MAP2: variants seen among roughly 807,000 people sequenced by gnomAD.
MAP2 encodes microtubule-associated protein 2.
MAP2 carries 14 observed loss-of-function variants against 137.6 expected under a neutral mutation model. The ratio of observed to expected loss-of-function variants is 0.10; its 90% CI spans 0.07 to 0.16. The LOEUF (loss-of-function observed/expected upper bound fraction) is 0.16, where lower values mean the gene tolerates loss of function less well. MAP2 is among the 10% of genes least tolerant of loss of function. The pLI, the probability that MAP2 is intolerant of heterozygous loss-of-function variation, is 1.00. For synonymous variants in MAP2, 786 were observed against 782.3 expected (o/e 1.00, Z -0.08); for missense variants, 2,088 against 2,191.5 (o/e 0.95, Z 0.94).
chr2:209,479,716 A>G (rs1170558248), intron 1 of MAP2, among the ~76,000 whole-genome samples: 1 of 152,168 alleles, frequency 6.6e-6, no homozygotes, highest in Non-Finnish European at 1.5e-5. Flanking sequence ...ATTTTGAACT[A>G]CATAAAACAA....
rs548322532 is a variant in MAP2 at position 209,439,251 on chromosome 2, A to C, written c.-222+14975A>C. ...ACATTGCTGCTCTGTTTTGTCATTT[A>C]TAAGATTATACATTTGATTACCTAA... On this transcript the variant is annotated intron_variant, in intron 1 of 15. Transcript: ENST00000682079. 1.1e-4 allele frequency among the ~76,000 whole-genome samples: 17 copies of C among 151,694 alleles called. No homozygotes were observed. The South Asian group carries it at 3.5e-3, about 31-fold the overall frequency.
At chr2:209,473,118 A>G (rs1169927651) in intron 1 of MAP2, among the ~76,000 whole-genome samples, 1 of 152,056 alleles carries the variant, frequency 6.6e-6, no homozygotes, top group African/African-American at 2.4e-5. Context: ...CACATCAACT[A>G]TTATTGCACT....
chr2:209,556,920 TCTC>T (rs1439180174), intron 2 of MAP2, among the ~76,000 whole-genome samples: 1 of 152,038 alleles, frequency 6.6e-6, no homozygotes, highest in Non-Finnish European at 1.5e-5. Flanking sequence ...TGCTTATCAT[TCTC>T]CTAATGGAAA....
At chr2:209,528,100 C>A (rs1177149043) in intron 2 of MAP2, among the ~76,000 whole-genome samples, 2 of 120,080 alleles carry the variant, frequency 1.7e-5, no homozygotes, top group Non-Finnish European at 3.6e-5. Flanking sequence ...AGCCATCTTC[C>A]CCCCCTGCCC....
intron 2 of MAP2, among the ~76,000 whole-genome samples, chr2:209,549,603 A>G (rs1366944911): frequency 6.6e-6 from 1 of 152,194 alleles, no homozygotes; most frequent in Non-Finnish European, 1.5e-5. Context: ...CAACCTTTAC[A>G]GAACCTGATA....
intron 13 of MAP2, among the ~76,000 whole-genome samples, chr2:209,725,463 G>A (rs975650503): frequency 6.6e-6 from 1 of 152,144 alleles, no homozygotes; most frequent in Non-Finnish European, 1.5e-5. Context: ...GTCATAATCT[G>A]CTTTCAACTA....
intron 2 of MAP2, among the ~76,000 whole-genome samples, chr2:209,563,534 GC>G (rs1250156190): frequency 2.0e-5 from 3 of 151,910 alleles, no homozygotes; most frequent in African/African-American, 7.3e-5. Context: ...CACCTGCATC[GC>G]CACCAGCTTC....
rs376380374 is a variant in MAP2, at chr2:209,497,426, C to A, written c.-221-10166C>A. ...GCATGTGATCTCACCCCTCCAACCT[C>A]CAGAACTGTGAAAAAGTAAATATCT... On this transcript the variant is annotated intron_variant, in intron 1 of 15. Coordinates refer to ENST00000682079, the MANE Select transcript of MAP2 (RefSeq NM_001375505.1). Among the ~76,000 whole-genome samples, 37 of 152,138 alleles carry A rather than the reference C, an allele frequency of 2.4e-4. 1 individual carries two copies. In the East Asian group the frequency reaches 3.9e-3, roughly 16 times the overall value.
chr2:209,437,216 C>T (rs992212826), intron 1 of MAP2, among the ~76,000 whole-genome samples: 1 of 151,632 alleles, frequency 6.6e-6, no homozygotes, highest in Non-Finnish European at 1.5e-5. Context: ...GCTTCTGAAC[C>T]TTTCACTGTT....
chr2:209,710,431 T>C, intron 13 of MAP2, 177 bp downstream of exon 13: 1 of 607,032 alleles, frequency 1.6e-6, no homozygotes, highest in East Asian at 2.8e-5. Flanking sequence ...ACAACGAAAA[T>C]CACATGACAT....
At chr2:209,454,448 C>G (rs1442201020) in intron 1 of MAP2, among the ~76,000 whole-genome samples, 1 of 151,896 alleles carries the variant, frequency 6.6e-6, no homozygotes, top group Non-Finnish European at 1.5e-5. Context: ...AATTCTCCCT[C>G]CCTCAGCCTC....
At chr2:209,522,701 AGTTTTT>A (rs2063456346) in intron 2 of MAP2, among the ~76,000 whole-genome samples, 1 of 152,090 alleles carries the variant, frequency 6.6e-6, no homozygotes, top group Non-Finnish European at 1.5e-5. Flanking sequence ...TCCATATGGA[AGTTTTT>A]GTTTTTGTTT....
chr2:209,676,737 A>ATATC (rs2051812324), intron 5 of MAP2, among the ~76,000 whole-genome samples: 1 of 49,102 alleles, frequency 2.0e-5, no homozygotes, highest in Non-Finnish European at 5.0e-5. Context: ...ATATATATAT[A>ATATC]TATATATATA....
chr2:209,432,969 G>A (rs1396967517), intron 1 of MAP2, among the ~76,000 whole-genome samples: 1 of 152,102 alleles, frequency 6.6e-6, no homozygotes, highest in Non-Finnish European at 1.5e-5. Flanking sequence ...ACTTGGGAGG[G>A]ATTCACTGTC....
chr2:209,662,955 T>TAG (rs749586396), intron 5 of MAP2, among the ~76,000 whole-genome samples: 2 of 151,282 alleles, frequency 1.3e-5, no homozygotes, highest in African/African-American at 4.9e-5. Context: ...AAGTGTGAGA[T>TAG]ATATATATAT....
At chr2:209,636,748 T>C (rs1183651909) in intron 4 of MAP2, among the ~76,000 whole-genome samples, 1 of 152,062 alleles carries the variant, frequency 6.6e-6, no homozygotes, top group African/African-American at 2.4e-5. Flanking sequence ...TGAAATACTA[T>C]AGGGAAGTAA....
Position 209,484,862 on chromosome 2 carries a change from T to A in MAP2, c.-221-22730T>A, listed in dbSNP as rs572404304. ...GCCTCCTCAATTATTTAAACTATTG[T>A]CTATTGTCAACTATTAGCCATAGTG... is the stretch of plus-strand genomic sequence containing the variant. On this transcript the variant is annotated intron_variant, in intron 1 of 15. Coordinates refer to ENST00000682079, the MANE Select transcript of MAP2 (RefSeq NM_001375505.1). Among the ~76,000 whole-genome samples, 14 of 152,340 alleles carry A rather than the reference T, an allele frequency of 9.2e-5. No individual in the cohort carries two copies. The East Asian group carries it at 1.9e-3, about 21-fold the overall frequency.
At position 209,586,470 on chromosome 2, in the gene MAP2, A is replaced by G. The variant is rs193040207; in HGVS notation, c.-107+6370A>G. Reference sequence around the variant, plus strand: ...TCTGGACTTTATCCTGGACTGAAGGATATTCATTCAATGAATATTAATTGA... The same window carrying G: ...TCTGGACTTTATCCTGGACTGAAGGGTATTCATTCAATGAATATTAATTGA... On this transcript the variant is annotated intron_variant, in intron 3 of 15. Coordinates refer to ENST00000682079, the MANE Select transcript of MAP2 (RefSeq NM_001375505.1). Among the ~76,000 whole-genome samples, 292 of 152,292 alleles carry G rather than the reference A, an allele frequency of 1.9e-3. 1 individual carries two copies. The highest frequency in any genetic ancestry group is 2.1e-3 in the Non-Finnish European group (144 of 68,024).
rs368445850 is a variant in MAP2, at chr2:209,655,194, C to T, written c.262+1762C>T. 1.3e-3 allele frequency among the ~76,000 whole-genome samples: 199 copies of T among 152,280 alleles called. 1 individual carries two copies. The highest frequency in any genetic ancestry group is 4.2e-3 in the South Asian group (20 of 4,816). On this transcript the variant is annotated intron_variant, in intron 5 of 15. Transcript: ENST00000682079. ...TTTAAATGATGGGTTTAGGAACATC[C>T]AGAGTTCATTTTAAATTCAGCTCAA...
Sources: gnomAD v4.1 joint callset for allele counts (sites outside exome capture counted in the v4.1 genomes callset) on GRCh38, gnomAD v4.1.1 for gene constraint, MANE v1.5 for transcripts, NCBI Gene and HGNC (gene_info 2026-07-23, HGNC 2026-07-21) for gene names.